FSTL4: variants seen among roughly 807,000 people sequenced by gnomAD.
FSTL4 encodes follistatin like 4.
Under a neutral mutation model 78.2 loss-of-function variants are expected in FSTL4, and 28 were observed. That is an observed-to-expected ratio of 0.36 (90% CI 0.27 to 0.49). FSTL4 has a LOEUF of 0.49. Among genes scored for constraint, FSTL4 ranks in the 20% least tolerant of loss-of-function variants. The probability of loss-of-function intolerance (pLI) is 0.98; values close to 1 mark genes in which losing one functional copy is unlikely to be tolerated. For missense variants in FSTL4, 922 were observed against 1,084.9 expected (o/e 0.85, Z 2.11); for synonymous variants, 422 against 440.5 (o/e 0.96, Z 0.53).
At chr5:133,326,077 A>G (rs1237538527) in intron 4 of FSTL4, among the ~76,000 whole-genome samples, 7 of 152,214 alleles carry the variant, frequency 4.6e-5, no homozygotes, top group Admixed American at 6.5e-5. Flanking sequence ...GCAAAGAACA[A>G]GCAGGATTTT....
intron 4 of FSTL4, among the ~76,000 whole-genome samples, chr5:133,323,927 T>C (rs890154709): frequency 6.6e-6 from 1 of 152,210 alleles, no homozygotes; most frequent in Non-Finnish European, 1.5e-5. Flanking sequence ...CCCTCAATAA[T>C]TGTCCCTCTT....
chr5:133,515,160 G>GT (rs1758828128), intron 3 of FSTL4, among the ~76,000 whole-genome samples: 1 of 152,214 alleles, frequency 6.6e-6, no homozygotes, highest in East Asian at 1.9e-4. Context: ...TTGTCAGCAT[G>GT]TTTTAGAAAG....
chr5:133,649,367 G>A, the FSTL4 span, among the ~76,000 whole-genome samples: 2 of 152,170 alleles, frequency 1.3e-5, no homozygotes, highest in African/African-American at 2.4e-5. Context: ...GCTCCCTTGA[G>A]TAAATACCAA....
At chr5:133,332,578 A>G (rs945323660) in intron 4 of FSTL4, among the ~76,000 whole-genome samples, 1 of 152,210 alleles carries the variant, frequency 6.6e-6, no homozygotes, top group Non-Finnish European at 1.5e-5. Flanking sequence ...GTCCCTGTGG[A>G]TATGGTGCAG....
the FSTL4 span, among the ~76,000 whole-genome samples, chr5:133,824,455 G>C: frequency 2.1e-3 from 316 of 152,342 alleles, 2 homozygotes; most frequent in African/African-American, 7.2e-3. Flanking sequence ...CTCAGAAGCA[G>C]ACAAAAGACA....
At chr5:133,506,806 A>G (rs899317729) in intron 3 of FSTL4, among the ~76,000 whole-genome samples, 1 of 152,258 alleles carries the variant, frequency 6.6e-6, no homozygotes, top group African/African-American at 2.4e-5. Context: ...CATTCAATAA[A>G]TATTTGTTGG....
chr5:133,622,481 A>G, the FSTL4 span, among the ~76,000 whole-genome samples: 1 of 152,196 alleles, frequency 6.6e-6, no homozygotes, highest in Non-Finnish European at 1.5e-5. Context: ...ATGTTACACG[A>G]AAAAGCCAAA....
At chr5:133,316,421 TCC>T (rs752285955) in intron 5 of FSTL4, 36 bp downstream of exon 5, 1 of 1,540,896 alleles carries the variant, frequency 6.5e-7, no homozygotes, top group South Asian at 1.1e-5. Flanking sequence ...AAAACTGGAT[TCC>T]TCCATCATGT....
the FSTL4 span, among the ~76,000 whole-genome samples, chr5:133,671,664 G>A: frequency 6.6e-6 from 1 of 152,180 alleles, no homozygotes; most frequent in Non-Finnish European, 1.5e-5. Flanking sequence ...GGTTTCCATT[G>A]GCTGGAATGG....
rs1189701844 is a variant in FSTL4, at chr5:133,315,629, C to CA, written c.603+829dup. Among the ~76,000 whole-genome samples the CA allele has an allele frequency of 3.3e-5, 5 of 152,334 alleles. No homozygotes were observed. In the East Asian group the frequency reaches 7.7e-4, roughly 24 times the overall value. ...AAGAAAAAGGCTGCCCACCGCCCCCCACCACCCAACTCAGGGAGGCTGATC... is the reference window on the plus strand; with the variant it reads ...AAGAAAAAGGCTGCCCACCGCCCCCCAACCACCCAACTCAGGGAGGCTGATC... On this transcript the variant is annotated intron_variant, in intron 5 of 15. Coordinates refer to ENST00000265342, the MANE Select transcript of FSTL4 (RefSeq NM_015082.2).
chr5:133,485,010 A>C (rs1157811543), intron 3 of FSTL4, among the ~76,000 whole-genome samples: 1 of 152,202 alleles, frequency 6.6e-6, no homozygotes, highest in Non-Finnish European at 1.5e-5. Flanking sequence ...ACTTCAGCCA[A>C]AGAACTTTCT....
chr5:133,674,735 T>C, the FSTL4 span, among the ~76,000 whole-genome samples: 1 of 152,092 alleles, frequency 6.6e-6, no homozygotes, highest in Admixed American at 6.5e-5. Context: ...TGGTGCACAA[T>C]AAATTCAAAT....
intron 3 of FSTL4, among the ~76,000 whole-genome samples, chr5:133,558,549 T>C (rs1479687871): frequency 6.6e-6 from 1 of 152,180 alleles, no homozygotes; most frequent in Non-Finnish European, 1.5e-5. Flanking sequence ...GTGCCCATCC[T>C]ACCTGCTCAT....
intron 13 of FSTL4, among the ~76,000 whole-genome samples, chr5:133,216,762 G>A (rs1750920698): frequency 6.6e-6 from 1 of 152,200 alleles, no homozygotes; most frequent in African/African-American, 2.4e-5. Flanking sequence ...CTCACTTTGG[G>A]CTTTGTTTTA....
At chr5:133,384,359 G>A (rs1336273772) in intron 4 of FSTL4, among the ~76,000 whole-genome samples, 2 of 152,212 alleles carry the variant, frequency 1.3e-5, no homozygotes, top group Non-Finnish European at 2.9e-5. Context: ...CCTGACGAAG[G>A]GCTGACACTT....
rs1328838242 is a variant in FSTL4, at chr5:133,611,557, T to C, written c.-11+768A>G. Among the ~76,000 whole-genome samples the C allele has an allele frequency of 6.6e-6, 1 of 152,134 alleles. No individual in the cohort carries two copies. The highest frequency in any genetic ancestry group is 1.5e-5 in the Non-Finnish European group (1 of 68,012). On this transcript the variant is annotated intron_variant, in intron 1 of 15. Transcript: ENST00000265342. This position sits in a 1 kb window ranked among gnomAD's most constrained non-coding sequence, Gnocchi z 4.9. Reference sequence around the variant, plus strand: ...AGATCATCCACAGTGCAAGCTCTCTTAGGACCAAGCCCCCAGCCCGAACGC... The same window carrying C: ...AGATCATCCACAGTGCAAGCTCTCTCAGGACCAAGCCCCCAGCCCGAACGC...
the FSTL4 span, among the ~76,000 whole-genome samples, chr5:133,685,966 C>T: frequency 4.6e-5 from 7 of 152,186 alleles, no homozygotes; most frequent in African/African-American, 7.2e-5. Flanking sequence ...GCAAGTGGCA[C>T]GGTTGTCAGA....
At chr5:133,531,479 G>A (rs1321834666) in intron 3 of FSTL4, among the ~76,000 whole-genome samples, 1 of 152,208 alleles carries the variant, frequency 6.6e-6, no homozygotes, top group South Asian at 2.1e-4. Context: ...CCAGAGCTGA[G>A]TGTGGAGTGT....
intron 6 of FSTL4, among the ~76,000 whole-genome samples, chr5:133,266,296 T>G (rs1222405229): frequency 6.6e-6 from 1 of 152,266 alleles, no homozygotes; most frequent in African/African-American, 2.4e-5. Flanking sequence ...CCTTGGCAGC[T>G]TCTACAGACG....
Sources: gnomAD v4.1 joint callset for allele counts (sites outside exome capture counted in the v4.1 genomes callset) on GRCh38, gnomAD v4.1.1 for gene constraint, Gnocchi (gnomAD v3.1) non-coding constraint, MANE v1.5 for transcripts, NCBI Gene and HGNC (gene_info 2026-07-23, HGNC 2026-07-21) for gene names.